Variants in FOXP4 observed in about 807,000 individuals in gnomAD.
FOXP4 encodes the protein forkhead box P4.
Under a neutral mutation model 82.6 loss-of-function variants are expected in FOXP4, and 25 were observed. That is an observed-to-expected ratio of 0.30 (90% CI 0.22 to 0.42). FOXP4 has a LOEUF of 0.42. Ranked by LOEUF, FOXP4 falls within the 10% of genes least tolerant of loss-of-function variation. The pLI is 1.00. For synonymous variants in FOXP4, 415 were observed against 388.2 expected, an observed-to-expected ratio of 1.07 and a Z score of -0.81; for missense variants, 785 against 900.9, an observed-to-expected ratio of 0.87 and a Z score of 1.65.
rs774217831 is a variant in FOXP4, at chr6:41,578,062, A to T, written c.281A>T (p.Gln94Leu). ...LSSPGNNDSK[Q>L]SASAVQVPVS... is the part of the protein sequence containing the mutation. ...TCCCCAGGGAACAATGACAGCAAAC[A>T]GTCTGCCTCTGCTGTGCAGGTGAGG... is the stretch of plus-strand genomic sequence containing the variant. The change falls in exon 3 of 17, where the codon CAG becomes CTG. Residue 94 changes from glutamine to leucine, a missense_variant. Coordinates refer to ENST00000307972, the MANE Select transcript of FOXP4 (RefSeq NM_001012426.2). 3.7e-6 allele frequency: 6 copies of T among 1,613,442 alleles called. No homozygotes were observed. Among genetic ancestry groups the T allele is most frequent in the Non-Finnish European group, 5.1e-6 (6 of 1,179,952 alleles).
intron 1 of FOXP4, among the ~76,000 whole-genome samples, chr6:41,548,211 C>G (rs1378261228): frequency 2.6e-5 from 4 of 152,300 alleles, no homozygotes; most frequent in Non-Finnish European, 4.4e-5. Flanking sequence ...GTCTGGAGAT[C>G]ACCGCGTGTC....
At chr6:41,549,100 ATC>A (rs1183386489) in intron 1 of FOXP4, among the ~76,000 whole-genome samples, 4 of 151,602 alleles carry the variant, frequency 2.6e-5, no homozygotes. Flanking sequence ...TGAGCGCTGA[ATC>A]TCTCCTGCGG....
At chr6:41,561,487 A>G (rs1764576629) in intron 1 of FOXP4, among the ~76,000 whole-genome samples, 1 of 152,214 alleles carries the variant, frequency 6.6e-6, no homozygotes, top group South Asian at 2.1e-4. Context: ...AGCTGAGCCT[A>G]GAAACCAGAT....
At chr6:41,588,379 T>C (rs1766288212) in intron 8 of FOXP4, among the ~76,000 whole-genome samples, 1 of 152,216 alleles carries the variant, frequency 6.6e-6, no homozygotes, top group African/African-American at 2.4e-5. Flanking sequence ...ACAAATTGTT[T>C]TCACGCTTCG....
Position 41,587,346 on chromosome 6 carries a change from G to T in FOXP4, c.706G>T (p.Ala236Ser), listed in dbSNP as rs1470559319. Residue 236 changes from alanine to serine, a missense_variant, in exon 7 of 17, where the codon GCC becomes TCC. Transcript: ENST00000307972. ...DLPQLWKGEG[A>S]PGQPAEDSVK... ...GCCCCAGCTGTGGAAGGGCGAGGGT[G>T]CCCCCGGGCAGCCTGCCGAGGACAG... 6.2e-7 allele frequency: 1 copy of T among 1,611,036 alleles called. No homozygotes were observed. Among genetic ancestry groups the T allele is most frequent in the Non-Finnish European group, 8.5e-7 (1 of 1,178,540 alleles).
intron 1 of FOXP4, among the ~76,000 whole-genome samples, chr6:41,551,987 G>A (rs1764023791): frequency 6.6e-6 from 1 of 152,190 alleles, no homozygotes; most frequent in African/African-American, 2.4e-5. Context: ...ACCTGAGCCA[G>A]CGTGGGTCCT....
In FOXP4 at chr6:41,581,343, G is replaced by A. The variant is rs115084477; in HGVS notation, c.300+3262G>A. On this transcript the variant is annotated intron_variant, in intron 3 of 16. Transcript: ENST00000307972. ...CTCAAATAAGCTTCCTGTGTGTCAG[G>A]CACTGTCCCTGTTCCTTCCAGTCAG... Among the ~76,000 whole-genome samples the A allele has an allele frequency of 8.6e-3, 1,316 of 152,282 alleles. 7 individuals carry two copies. The highest frequency in any genetic ancestry group is 0.014 in the Non-Finnish European group (986 of 68,028).
chr6:41,588,970 G>A (rs1490456194), intron 9 of FOXP4, among the ~76,000 whole-genome samples: 3 of 152,184 alleles, frequency 2.0e-5, no homozygotes, highest in Admixed American at 6.5e-5. Context: ...AGAGACTCAC[G>A]CTACATAGAA....
At chr6:41,551,510 G>T (rs909399531) in intron 1 of FOXP4, among the ~76,000 whole-genome samples, 4 of 152,188 alleles carry the variant, frequency 2.6e-5, no homozygotes, top group Admixed American at 6.5e-5. Flanking sequence ...TGGCCAACTG[G>T]AGCCTCCACA....
chr6:41,553,533 G>T (rs1342839756), intron 1 of FOXP4, among the ~76,000 whole-genome samples: 1 of 152,182 alleles, frequency 6.6e-6, no homozygotes, highest in Admixed American at 6.5e-5. Context: ...CTGGGTACTG[G>T]CTGGGATTTG....
At chr6:41,571,822 TC>T (rs1319320685) in intron 2 of FOXP4, among the ~76,000 whole-genome samples, 1 of 151,906 alleles carries the variant, frequency 6.6e-6, no homozygotes, top group Non-Finnish European at 1.5e-5. Context: ...AGAACTTTCC[TC>T]CCCCCAGGTC....
chr6:41,586,611 G>A (rs1364378638), intron 5 of FOXP4, among the ~76,000 whole-genome samples: 1 of 152,192 alleles, frequency 6.6e-6, no homozygotes, highest in African/African-American at 2.4e-5. Context: ...CCGGGCATGT[G>A]GGAAGGGTGC....
At chr6:41,563,471 G>A (rs553963666) in intron 1 of FOXP4, among the ~76,000 whole-genome samples, 26 of 152,288 alleles carry the variant, frequency 1.7e-4, no homozygotes, top group African/African-American at 5.5e-4. Flanking sequence ...TCTGTCAGTC[G>A]GGTCAGGGAG....
intron 2 of FOXP4, among the ~76,000 whole-genome samples, chr6:41,576,869 G>A (rs1430533142): frequency 6.6e-6 from 1 of 152,116 alleles, no homozygotes; most frequent in Non-Finnish European, 1.5e-5. Flanking sequence ...CTGTGTCAAG[G>A]GCTTAGACAC....
chr6:41,579,426 T>C (rs574523443), intron 3 of FOXP4, among the ~76,000 whole-genome samples: 1 of 152,162 alleles, frequency 6.6e-6, no homozygotes, highest in Non-Finnish European at 1.5e-5. Context: ...GCTTCCACTC[T>C]GAATCCTGCC....
At position 41,597,275 on chromosome 6, in the gene FOXP4, A is replaced by T. The variant is rs889498980; in HGVS notation, c.1725+33A>T. On this transcript the variant is annotated intron_variant, in intron 15 of 16. Transcript: ENST00000307972. ...GCCCAGAGCCCACCCACTCACCTCTACCTCCCGCCCCCTTGCTTTCTCATA... is the reference window on the plus strand; with the variant it reads ...GCCCAGAGCCCACCCACTCACCTCTTCCTCCCGCCCCCTTGCTTTCTCATA... 12 of 1,606,754 alleles carry T rather than the reference A, an allele frequency of 7.5e-6. No homozygotes were observed. The South Asian group carries it at 1.3e-4, about 18-fold the overall frequency.
chr6:41,594,581 G>A (rs1766713170), intron 13 of FOXP4, among the ~76,000 whole-genome samples: 1 of 152,218 alleles, frequency 6.6e-6, no homozygotes, highest in African/African-American at 2.4e-5. Flanking sequence ...TAACTGGATA[G>A]CATTTAGTTA....
At chr6:41,586,925 G>T (rs1766165053) in intron 5 of FOXP4, 84 bp from the exon 6 acceptor site, 2 of 1,475,900 alleles carry the variant, frequency 1.4e-6, no homozygotes, top group Non-Finnish European at 1.8e-6. Flanking sequence ...GCCCTGGGAG[G>T]GGGTGGCCGC....
intron 5 of FOXP4, among the ~76,000 whole-genome samples, chr6:41,585,736 G>C (rs1258705523): frequency 6.6e-6 from 1 of 152,044 alleles, no homozygotes; most frequent in Non-Finnish European, 1.5e-5. Flanking sequence ...CTTGCCTCGT[G>C]TTGTTGTCTC....
Sources: gnomAD v4.1 joint callset for allele counts (sites outside exome capture counted in the v4.1 genomes callset) on GRCh38, gnomAD v4.1.1 for gene constraint, MANE v1.5 for transcripts, NCBI Gene and HGNC (gene_info 2026-07-23, HGNC 2026-07-21) for gene names.